PTPRT: variants seen among roughly 807,000 people sequenced by gnomAD.
PTPRT encodes protein tyrosine phosphatase receptor type T.
A neutral mutation model predicts 176.8 loss-of-function variants in PTPRT; 56 were observed. The observed-to-expected ratio is 0.32, with a 90% CI of 0.26 to 0.40. The LOEUF (loss-of-function observed/expected upper bound fraction) is 0.40, where lower values mean the gene tolerates loss of function less well. Ranked by LOEUF, PTPRT falls within the 10% of genes least tolerant of loss-of-function variation. The pLI, the probability that PTPRT is intolerant of heterozygous loss-of-function variation, is 1.00. For synonymous variants in PTPRT, 783 were observed against 739.0 expected, an observed-to-expected ratio of 1.06 and a Z score of -0.96; for missense variants, 1,540 against 1,908.2, an observed-to-expected ratio of 0.81 and a Z score of 3.60.
At chr20:42,992,011 T>C (rs1411207615) in intron 1 of PTPRT, among the ~76,000 whole-genome samples, 1 of 152,218 alleles carries the variant, frequency 6.6e-6, no homozygotes, top group East Asian at 1.9e-4. Context: ...ACAAAATTCT[T>C]GGTTTTCAGT....
chr20:42,743,346 A>G (rs1464159901), intron 6 of PTPRT, among the ~76,000 whole-genome samples: 1 of 152,232 alleles, frequency 6.6e-6, no homozygotes, highest in African/African-American at 2.4e-5. Flanking sequence ...TTAGGAAAGC[A>G]TGAAAAAGGA....
At chr20:42,886,837 A>G (rs2079110797) in intron 1 of PTPRT, among the ~76,000 whole-genome samples, 2 of 152,224 alleles carry the variant, frequency 1.3e-5, no homozygotes. Context: ...ATTCTGGAGG[A>G]GAAAGCAGAA....
chr20:42,233,992 A>T (rs1480735438), intron 15 of PTPRT, among the ~76,000 whole-genome samples: 1 of 152,180 alleles, frequency 6.6e-6, no homozygotes, highest in Non-Finnish European at 1.5e-5. Flanking sequence ...ACAGCACTGT[A>T]TAAAGTGGGC....
At chr20:42,665,914 G>T (rs911651146) in intron 7 of PTPRT, among the ~76,000 whole-genome samples, 2 of 146,188 alleles carry the variant, frequency 1.4e-5, no homozygotes, top group Admixed American at 7.0e-5. Context: ...GGACACAGGA[G>T]GGGGAACATC....
intron 1 of PTPRT, among the ~76,000 whole-genome samples, chr20:42,914,184 C>A (rs1978576769): frequency 6.6e-6 from 1 of 152,194 alleles, no homozygotes; most frequent in Non-Finnish European, 1.5e-5. Context: ...TGTGGATCAG[C>A]CCTAGGTGAT....
At chr20:42,839,797 T>C (rs1280656667) in intron 2 of PTPRT, among the ~76,000 whole-genome samples, 1 of 152,064 alleles carries the variant, frequency 6.6e-6, no homozygotes, top group Non-Finnish European at 1.5e-5. Flanking sequence ...TAGGTTGTGG[T>C]TTGCAAATTT....
At chr20:42,959,912 G>C (rs938907998) in intron 1 of PTPRT, among the ~76,000 whole-genome samples, 1 of 152,026 alleles carries the variant, frequency 6.6e-6, no homozygotes, top group Non-Finnish European at 1.5e-5. Flanking sequence ...CTTCTGGAGG[G>C]GACTCACTCC....
chr20:42,541,060 T>C (rs913458545), intron 7 of PTPRT, among the ~76,000 whole-genome samples: 1 of 152,180 alleles, frequency 6.6e-6, no homozygotes, highest in South Asian at 2.1e-4. Context: ...AGTCTACACT[T>C]GCTCCTATCA....
intron 15 of PTPRT, among the ~76,000 whole-genome samples, chr20:42,226,121 G>A (rs761531663): frequency 1.3e-5 from 2 of 152,212 alleles, no homozygotes; most frequent in East Asian, 1.9e-4. Flanking sequence ...ATTTTGTAAC[G>A]TTTTATTAAC....
intron 12 of PTPRT, among the ~76,000 whole-genome samples, chr20:42,312,802 C>CTTTTT (rs11482597): frequency 2.7e-5 from 3 of 112,356 alleles, no homozygotes; most frequent in African/African-American, 1.0e-4. Flanking sequence ...GAGTGAGATC[C>CTTTTT]TTTTTTTTTT....
chr20:42,618,846 G>C (rs2074132595), intron 7 of PTPRT, among the ~76,000 whole-genome samples: 1 of 143,076 alleles, frequency 7.0e-6, no homozygotes, highest in African/African-American at 2.7e-5. Flanking sequence ...CTGCACGTGA[G>C]ATGGGTTTCC....
intron 1 of PTPRT, among the ~76,000 whole-genome samples, chr20:42,950,485 C>G (rs1981170566): frequency 6.6e-6 from 1 of 152,166 alleles, no homozygotes; most frequent in South Asian, 2.1e-4. Flanking sequence ...TTAACTACGA[C>G]CATGGGCAGA....
At chr20:43,028,167 C>T (rs1985990987) in intron 1 of PTPRT, among the ~76,000 whole-genome samples, 1 of 152,142 alleles carries the variant, frequency 6.6e-6, no homozygotes. Context: ...TAATGGAGAA[C>T]AGAGGGCATG....
chr20:42,216,180 C>T (rs1260020009), intron 15 of PTPRT, among the ~76,000 whole-genome samples: 2 of 152,198 alleles, frequency 1.3e-5, no homozygotes, highest in Non-Finnish European at 2.9e-5. Flanking sequence ...CTCCCTCTCA[C>T]CAGCTCACAA....
intron 7 of PTPRT, among the ~76,000 whole-genome samples, chr20:42,629,417 T>A (rs1236710931): frequency 6.6e-6 from 1 of 152,132 alleles, no homozygotes; most frequent in Non-Finnish European, 1.5e-5. Flanking sequence ...ACCAACTAGG[T>A]GAGTGCTATT....
intron 16 of PTPRT, among the ~76,000 whole-genome samples, chr20:42,187,988 T>A (rs1303689119): frequency 6.6e-6 from 1 of 152,202 alleles, no homozygotes; most frequent in Non-Finnish European, 1.5e-5. Context: ...CCAATCACAT[T>A]GTATACAAAA....
intron 2 of PTPRT, among the ~76,000 whole-genome samples, chr20:42,818,462 A>G (rs1389222854): frequency 6.6e-6 from 1 of 152,196 alleles, no homozygotes; most frequent in Non-Finnish European, 1.5e-5. Flanking sequence ...TGAAAACACA[A>G]AAGGCCAGAG....
intron 1 of PTPRT, among the ~76,000 whole-genome samples, chr20:42,964,149 C>T (rs1982160072): frequency 6.6e-6 from 1 of 152,082 alleles, no homozygotes; most frequent in South Asian, 2.1e-4. Context: ...AGATAAAATT[C>T]AGACACAATA....
intron 17 of PTPRT, among the ~76,000 whole-genome samples, chr20:42,146,257 G>T (rs1287858270): frequency 6.6e-5 from 10 of 152,180 alleles, no homozygotes; most frequent in African/African-American, 2.4e-4. Context: ...GGATGTCAAA[G>T]CTGATCTATT....
Sources: gnomAD v4.1 joint callset for allele counts (sites outside exome capture counted in the v4.1 genomes callset) on GRCh38, gnomAD v4.1.1 for gene constraint, MANE v1.5 for transcripts, NCBI Gene and HGNC (gene_info 2026-07-23, HGNC 2026-07-21) for gene names.